The following PNKD variants were observed in gnomAD, a reference collection of about 807,000 sequenced individuals.
The protein encoded by PNKD is probable thioesterase PNKD.
Under a neutral mutation model 45.3 loss-of-function variants are expected in PNKD, and 36 were observed. The observed-to-expected ratio is 0.80, with a 90% CI of 0.61 to 1.05. The LOEUF (loss-of-function observed/expected upper bound fraction) is 1.05. PNKD is among the 50% of genes least tolerant of loss of function. PNKD has a pLI of 0.00. For synonymous variants in PNKD, 197 were observed against 210.1 expected (o/e 0.94, Z 0.54); for missense variants, 511 against 506.6 (o/e 1.01, Z -0.08).
At chr2:218,321,779 C>T (rs1693991766) in intron 2 of PNKD, among the ~76,000 whole-genome samples, 1 of 151,992 alleles carries the variant, frequency 6.6e-6, no homozygotes, top group Non-Finnish European at 1.5e-5. Context: ...CATGTGCATG[C>T]CACCATGCCA....
chr2:218,294,972 C>G (rs1023648597), intron 2 of PNKD, among the ~76,000 whole-genome samples: 3 of 152,200 alleles, frequency 2.0e-5, no homozygotes, highest in African/African-American at 7.2e-5. Context: ...TTTCTAGAAC[C>G]ACCAGGATGG....
chr2:218,323,485 AGGGGACTGGGAGGC>A, intron 2 of PNKD: 1 of 641,130 alleles, frequency 1.6e-6, no homozygotes, highest in Non-Finnish European at 2.0e-6. Context: ...GCGCTGGGAG[AGGGGACTGGGAGGC>A]GGGGGCTGGA....
At chr2:218,312,968 C>T (rs188201203) in intron 2 of PNKD, among the ~76,000 whole-genome samples, 1 of 151,242 alleles carries the variant, frequency 6.6e-6, no homozygotes, top group East Asian at 1.9e-4. Context: ...TAGGTAATTA[C>T]AGATTTACAA....
At chr2:218,273,432 C>G (rs1362642359) in intron 2 of PNKD, among the ~76,000 whole-genome samples, 2 of 150,376 alleles carry the variant, frequency 1.3e-5, no homozygotes, top group Non-Finnish European at 3.0e-5. Flanking sequence ...CCACCATGCC[C>G]AGTTACTTTT....
At chr2:218,334,228 A>G (rs888770973) in intron 2 of PNKD, among the ~76,000 whole-genome samples, 46 of 152,148 alleles carry the variant, frequency 3.0e-4, no homozygotes, top group African/African-American at 9.6e-4. Context: ...TTTCATAATC[A>G]CAGTACAGTC....
At position 218,342,581 on chromosome 2, in the gene PNKD, T is replaced by C. The variant is rs140444379; in HGVS notation, c.781+437T>C. 1.6e-3 allele frequency among the ~76,000 whole-genome samples: 241 copies of C among 151,150 alleles called. 6 individuals carry two copies. In the East Asian group the frequency reaches 0.042, roughly 27 times the overall value. On this transcript the variant is annotated intron_variant, in intron 7 of 9. Coordinates refer to ENST00000273077, the MANE Select transcript of PNKD (RefSeq NM_015488.5). ...CGGGCATGGTGGTGCATGCCTGTAA[T>C]CCCAGCTACTAGGGAGGCTGAGACA...
At chr2:218,285,772 G>A (rs528020169) in intron 2 of PNKD, 1 of 152,890 alleles carries the variant, frequency 6.5e-6, no homozygotes, top group Admixed American at 6.5e-5. Flanking sequence ...CCTCTGAGCA[G>A]TGCCAAGAAC....
intron 2 of PNKD, among the ~76,000 whole-genome samples, chr2:218,310,844 G>A (rs566698025): frequency 2.2e-4 from 34 of 152,088 alleles, no homozygotes; most frequent in Admixed American, 3.9e-4. Context: ...TGCCCGCCTC[G>A]GCTTCCAAAA....
Position 218,345,256 on chromosome 2 carries a change from A to G in PNKD, c.*275A>G. The G allele has an allele frequency of 2.4e-6, 1 of 415,636 alleles. No individual in the cohort carries two copies. The highest frequency in any genetic ancestry group is 4.3e-6 in the Non-Finnish European group (1 of 230,894). The allele number at this position is 415,636 out of a possible 1,614,324, so 25.7% of individuals were successfully genotyped here. ...TCTCGGGACATCTCCAGACCCTACC[A>G]ACTGGGAGGGTCCCCTCCTCCTTCC... On this transcript the variant is annotated 3_prime_UTR_variant, in exon 10 of 10. Transcript: ENST00000273077.
At chr2:218,273,162 TAA>T (rs1221500654) in intron 2 of PNKD, among the ~76,000 whole-genome samples, 3 of 152,106 alleles carry the variant, frequency 2.0e-5, no homozygotes, top group Non-Finnish European at 4.4e-5. Flanking sequence ...CTTGAAACAA[TAA>T]AGAGAATCAA....
Position 218,314,222 on chromosome 2 carries a change from C to CTTTTTT in PNKD, c.237-25545_237-25540dup, listed in dbSNP as rs386392656. On this transcript the variant is annotated intron_variant, in intron 2 of 9. Coordinates refer to ENST00000273077, the MANE Select transcript of PNKD (RefSeq NM_015488.5). ...ACAGGCGTGAGCCACCGCGCCCTGGCTTTTTTTTTTTTTTTTTTTTTGAGA... is the reference window on the plus strand; with the variant it reads ...ACAGGCGTGAGCCACCGCGCCCTGGCTTTTTTTTTTTTTTTTTTTTTTTTTTTGAGA... 1.7e-3 allele frequency among the ~76,000 whole-genome samples: 115 copies of CTTTTTT among 67,720 alleles called. 18 individuals are homozygous for CTTTTTT. Among genetic ancestry groups the CTTTTTT allele is most frequent in the African/African-American group, 4.4e-3 (68 of 15,340 alleles). 44.4% of individuals were successfully genotyped at this position (67,720 alleles called of 152,430 possible). A position where few individuals can be genotyped will look rare whatever the true frequency, so the allele number is the denominator to read the frequency against.
intron 2 of PNKD, among the ~76,000 whole-genome samples, chr2:218,311,728 G>A (rs930519518): frequency 2.0e-5 from 3 of 151,886 alleles, no homozygotes; most frequent in Admixed American, 6.6e-5. Flanking sequence ...TCCCAGGGAA[G>A]AGCAGGAGAC....
intron 2 of PNKD, among the ~76,000 whole-genome samples, chr2:218,300,104 C>T (rs187561763): frequency 2.6e-4 from 39 of 152,276 alleles, no homozygotes; most frequent in African/African-American, 8.7e-4. Flanking sequence ...CCTTGACCAG[C>T]TTGGATTCCA....
At chr2:218,294,654 T>G (rs1693100049) in intron 2 of PNKD, among the ~76,000 whole-genome samples, 1 of 152,222 alleles carries the variant, frequency 6.6e-6, no homozygotes, top group South Asian at 2.1e-4. Flanking sequence ...ATTTTTGTAT[T>G]TTTTGTAGAG....
intron 2 of PNKD, among the ~76,000 whole-genome samples, chr2:218,324,238 C>T (rs1330362970): frequency 6.6e-6 from 1 of 152,188 alleles, no homozygotes; most frequent in Non-Finnish European, 1.5e-5. Context: ...CCCCTTCCTA[C>T]TACCAGCCTG....
intron 2 of PNKD, among the ~76,000 whole-genome samples, chr2:218,320,557 G>A (rs1693959695): frequency 6.6e-6 from 1 of 152,160 alleles, no homozygotes; most frequent in Non-Finnish European, 1.5e-5. Flanking sequence ...GACAGAGTGA[G>A]ACCCTGTCTC....
intron 2 of PNKD, among the ~76,000 whole-genome samples, chr2:218,306,974 C>A (rs1190113062): frequency 6.6e-6 from 1 of 152,194 alleles, no homozygotes; most frequent in Admixed American, 6.5e-5. Flanking sequence ...ACACCTAAAC[C>A]TACCAAACAT....
At chr2:218,309,912 C>T (rs557633092) in intron 2 of PNKD, among the ~76,000 whole-genome samples, 1 of 149,696 alleles carries the variant, frequency 6.7e-6, no homozygotes, top group Non-Finnish European at 1.5e-5. Flanking sequence ...TCCAGCCTGG[C>T]GACAGAGCGA....
At chr2:218,339,172 A>C (rs958161076) in intron 2 of PNKD, among the ~76,000 whole-genome samples, 6 of 152,132 alleles carry the variant, frequency 3.9e-5, no homozygotes, top group Non-Finnish European at 7.4e-5. Flanking sequence ...ACCTCATTTC[A>C]GCCTCCTAAT....
Sources: allele counts gnomAD v4.1 joint callset (sites outside exome capture counted in the v4.1 genomes callset), GRCh38; gene constraint gnomAD v4.1.1; transcripts MANE v1.5; gene names NCBI Gene and HGNC (gene_info 2026-07-23, HGNC 2026-07-21).